The following SOD2 variants were observed in gnomAD, a reference collection of about 807,000 sequenced individuals.
The protein encoded by SOD2 is superoxide dismutase [Mn], mitochondrial.
A neutral mutation model predicts 27.0 loss-of-function variants in SOD2; 11 were observed. The ratio of observed to expected loss-of-function variants is 0.41; its 90% CI spans 0.26 to 0.67. The LOEUF (loss-of-function observed/expected upper bound fraction) is 0.67, where lower values mean the gene tolerates loss of function less well. Among genes scored for constraint, SOD2 ranks in the 30% least tolerant of loss-of-function variants. SOD2 has a pLI of 0.34. For synonymous variants in SOD2, 105 were observed against 103.0 expected (o/e 1.02, Z -0.12); for missense variants, 250 against 274.5 (o/e 0.91, Z 0.63).
chr6:159,749,173 A>G (rs1445054965), upstream of SOD2: 41 of 985,848 alleles, frequency 4.2e-5, no homozygotes, highest in Non-Finnish European at 4.7e-5. Flanking sequence ...TGTGGTATCA[A>G]ACTTCAGGTT....
rs1050305929 is a variant in SOD2, at chr6:159,674,699, C to A, written c.*7794G>T. ...TGAAAACTGGCACAAGACAGGGATG[C>A]CCTCTCTCACCACTCCTATTCAACA... On this transcript the variant is annotated 3_prime_UTR_variant, in exon 5 of 5. Coordinates refer to ENST00000538183, the MANE Select transcript of SOD2 (RefSeq NM_000636.4). 1 of 152,198 alleles carries A rather than the reference C, an allele frequency of 6.6e-6. No homozygotes were observed. The highest frequency in any genetic ancestry group is 1.5e-5 in the Non-Finnish European group (1 of 68,040). The allele number at this position is 152,198 out of a possible 1,614,324, so 9.4% of individuals were successfully genotyped here.
chr6:159,730,822 TAC>T (rs1298627942), upstream of SOD2: 1 of 152,204 alleles, frequency 6.6e-6, no homozygotes, highest in Non-Finnish European at 1.5e-5. Context: ...ACATTACAAA[TAC>T]AGAGTTTTAT....
At chr6:159,761,860 TCACTTCCGCCCCGCGCCCCGCG>T in exon 1 of SOD2, 1 of 247,376 alleles carries the variant, frequency 4.0e-6, no homozygotes, top group Non-Finnish European at 7.4e-6. Context: ...CGCCCCGGCC[TCACTTCCGCCCCGCGCCCCGCG>T]CCCCGCGCCC....
At chr6:159,685,895 G>T (rs944142863) in intron 3 of SOD2, among the ~76,000 whole-genome samples, 1 of 152,046 alleles carries the variant, frequency 6.6e-6, no homozygotes, top group Admixed American at 6.6e-5. Context: ...TACTATCTTT[G>T]TTAGGAAAGA....
chr6:159,674,214 G>C lies in SOD2; in HGVS notation c.*8279C>G, dbSNP rs570743524. The stretch of plus-strand genomic sequence containing the variant: ...CCTTCTGAAACTATTCCAATCAATA[G>C]AAAAAGAGGGAATCCTCCCTAACTC... On this transcript the variant is annotated 3_prime_UTR_variant, in exon 5 of 5. Coordinates refer to ENST00000538183, the MANE Select transcript of SOD2 (RefSeq NM_000636.4). 8 of 152,214 alleles carry C rather than the reference G, an allele frequency of 5.3e-5. No individual in the cohort carries two copies. In the East Asian group the frequency reaches 5.8e-4, roughly 11 times the overall value. The allele number at this position is 152,214 out of a possible 1,614,324, so 9.4% of individuals were successfully genotyped here.
At position 159,681,703 on chromosome 6, in the gene SOD2, T is replaced by G. The variant is rs1429833876; in HGVS notation, c.*790A>C. The stretch of plus-strand genomic sequence containing the variant: ...CACCCTGAAGGCACCCGATCTCGAC[T>G]GATTTACAATTTTGCCTTTAACTTC... On this transcript the variant is annotated 3_prime_UTR_variant, in exon 5 of 5. Transcript: ENST00000538183. The G allele has an allele frequency of 6.6e-6, 1 of 152,248 alleles. No homozygotes were observed. Among genetic ancestry groups the G allele is most frequent in the Non-Finnish European group, 1.5e-5 (1 of 68,062 alleles). 9.4% of individuals were successfully genotyped at this position (152,248 alleles called of 1,614,324 possible).
At chr6:159,685,072 A>G in intron 3 of SOD2, 39 bp from the exon 4 acceptor site, 1 of 1,471,344 alleles carries the variant, frequency 6.8e-7, no homozygotes, top group Middle Eastern at 1.8e-4. Flanking sequence ...ACAAATGAAC[A>G]GATTTCAATA....
At chr6:159,693,075 G>A in intron 1 of SOD2, 70 bp downstream of exon 1, 5 of 1,506,678 alleles carry the variant, frequency 3.3e-6, no homozygotes, top group Non-Finnish European at 4.4e-6. Context: ...TGTCGCCATT[G>A]CCGCGGAGGC....
chr6:159,736,650 G>C (rs1361686931), intron 1 of SOD2: 1 of 169,062 alleles, frequency 5.9e-6, no homozygotes, highest in African/African-American at 2.4e-5. Flanking sequence ...GACATTATGA[G>C]TATATTATTA....
intron 2 of SOD2, chr6:159,691,698 C>A (rs1777202757): frequency 6.6e-6 from 1 of 150,396 alleles, no homozygotes; most frequent in Non-Finnish European, 1.5e-5. Context: ...AGTCCACATA[C>A]CCCTGGTTTT....
rs972125883 is a variant in SOD2 at position 159,669,384 on chromosome 6, G to A, written c.*13109C>T. ...TATTGGTTTTATGTCTAGAAAATCT[G>A]TCCAATGCTGAGAGTAGAGTGAAGT... On this transcript the variant is annotated 3_prime_UTR_variant, in exon 5 of 5. Coordinates refer to ENST00000538183, the MANE Select transcript of SOD2 (RefSeq NM_000636.4). The A allele has an allele frequency of 1.3e-5, 2 of 152,208 alleles. No individual in the cohort carries two copies. The highest frequency in any genetic ancestry group is 2.9e-5 in the Non-Finnish European group (2 of 68,032). The allele number at this position is 152,208 out of a possible 1,614,324, so 9.4% of individuals were successfully genotyped here. A position where few individuals can be genotyped will look rare whatever the true frequency, so the allele number is the denominator to read the frequency against.
chr6:159,704,923 GA>G (rs1371779711), intron 1 of SOD2, among the ~76,000 whole-genome samples: 1 of 152,194 alleles, frequency 6.6e-6, no homozygotes, highest in African/African-American at 2.4e-5. Context: ...CCTCTGAGAG[GA>G]AACCTCCAGA....
intron 1 of SOD2, among the ~76,000 whole-genome samples, chr6:159,700,330 T>C (rs1777501887): frequency 6.6e-6 from 1 of 152,202 alleles, no homozygotes; most frequent in South Asian, 2.1e-4. Context: ...TTCTGGTTCT[T>C]CATCTGAATT....
At chr6:159,731,149 G>A (rs1265073951), upstream of SOD2, among the ~76,000 whole-genome samples, 3 of 149,508 alleles carry the variant, frequency 2.0e-5, no homozygotes, top group Non-Finnish European at 3.0e-5. Context: ...TCAAAAAAAA[G>A]AAAAAAAGAA....
At chr6:159,694,994 C>A (rs1183915888), upstream of SOD2, among the ~76,000 whole-genome samples, 1 of 152,104 alleles carries the variant, frequency 6.6e-6, no homozygotes, top group Non-Finnish European at 1.5e-5. Flanking sequence ...GTGAGACACA[C>A]TGAAAGTGGT....
At chr6:159,754,966 T>C in intron 1 of SOD2, 2 of 1,461,916 alleles carry the variant, frequency 1.4e-6, no homozygotes, top group Middle Eastern at 1.9e-4. Flanking sequence ...TGGCAGGCAC[T>C]AAAGAAACAT....
At chr6:159,741,904 T>C in intron 1 of SOD2, 1 of 483,944 alleles carries the variant, frequency 2.1e-6, no homozygotes. Flanking sequence ...AGACCCTGTT[T>C]GCGCCACGCT....
At position 159,671,932 on chromosome 6, in the gene SOD2, C is replaced by A. The variant is rs1375144940; in HGVS notation, c.*10561G>T. Reference sequence around the variant, plus strand: ...GGAGCTGAAAACCATGGCATGAGAACTACGTGACGAATGCACAAGCTTCAG... The same window carrying A: ...GGAGCTGAAAACCATGGCATGAGAAATACGTGACGAATGCACAAGCTTCAG... On this transcript the variant is annotated 3_prime_UTR_variant, in exon 5 of 5. Transcript: ENST00000538183. 6.6e-6 allele frequency: 1 copy of A among 152,154 alleles called. No individual in the cohort carries two copies. Among genetic ancestry groups the A allele is most frequent in the East Asian group, 1.9e-4 (1 of 5,196 alleles). 9.4% of individuals were successfully genotyped at this position (152,154 alleles called of 1,614,324 possible). A position where few individuals can be genotyped will look rare whatever the true frequency, so the allele number is the denominator to read the frequency against.
intron 1 of SOD2, chr6:159,760,817 C>T (rs1282919606): frequency 2.0e-5 from 3 of 152,142 alleles, no homozygotes; most frequent in Admixed American, 2.0e-4. Flanking sequence ...GAGCAAAAGC[C>T]ACGGGAGGCA....
Sources: allele counts gnomAD v4.1 joint callset (sites outside exome capture counted in the v4.1 genomes callset), GRCh38; gene constraint gnomAD v4.1.1; transcripts MANE v1.5; gene names NCBI Gene and HGNC (gene_info 2026-07-23, HGNC 2026-07-21).